Variants in ZNF831 observed in about 807,000 individuals in gnomAD.
ZNF831 encodes zinc finger protein 831, also known as chromosome 20 open reading frame 174.
A neutral mutation model predicts 95.8 loss-of-function variants in ZNF831; 59 were observed. The observed-to-expected ratio is 0.62, with a 90% CI of 0.50 to 0.77. The LOEUF (loss-of-function observed/expected upper bound fraction) is 0.77. Among genes scored for constraint, ZNF831 ranks in the 30% least tolerant of loss-of-function variants. The pLI, the probability that ZNF831 is intolerant of heterozygous loss-of-function variation, is 0.00. For missense variants in ZNF831, 2,205 were observed against 2,164.0 expected, an observed-to-expected ratio of 1.02 and a Z score of -0.38; for synonymous variants, 961 against 925.5, an observed-to-expected ratio of 1.04 and a Z score of -0.70.
rs569477204 is a variant in ZNF831, at chr20:59,230,871, T to A, written c.4028-22107T>A. The stretch of plus-strand genomic sequence containing the variant: ...GAAAATGCCAATGAGTTTAAATAGA[T>A]ACATAAAGTTTGTTTCTCTCACAAA... On this transcript the variant is annotated intron_variant, in intron 4 of 5. Coordinates refer to ENST00000371030, the MANE Select transcript of ZNF831 (RefSeq NM_178457.3). Among the ~76,000 whole-genome samples, 4 of 152,238 alleles carry A rather than the reference T, an allele frequency of 2.6e-5. No individual in the cohort carries two copies. In the South Asian group the frequency reaches 8.3e-4, roughly 32 times the overall value.
At position 59,193,556 on chromosome 20, in the gene ZNF831, G is replaced by T; in HGVS notation, c.2537G>T (p.Gly846Val). 6.2e-7 allele frequency: 1 copy of T among 1,605,002 alleles called. No individual in the cohort carries two copies. The highest frequency in any genetic ancestry group is 8.5e-7 in the Non-Finnish European group (1 of 1,175,880). ...CCTGTGAGCGCAGAGACCCCAGGTGGGCCCACGCAGCCTGCCTCTTTGTCA... is the reference window on the plus strand; with the variant it reads ...CCTGTGAGCGCAGAGACCCCAGGTGTGCCCACGCAGCCTGCCTCTTTGTCA... ...PEPVSAETPG[G>V]PTQPASLSSQ... Residue 846 changes from glycine (G) to valine (V), a missense_variant, in exon 2 of 6, where the codon GGG (glycine) becomes GTG (valine). Transcript: ENST00000371030.
upstream of ZNF831, among the ~76,000 whole-genome samples, chr20:59,161,595 A>C (rs146642803): frequency 6.6e-6 from 1 of 152,248 alleles, no homozygotes; most frequent in East Asian, 1.9e-4. Flanking sequence ...ACATGATTTT[A>C]TTATTTTTAT....
chr20:59,132,263 A>G (rs1979370507), intron 1 of ZNF831, among the ~76,000 whole-genome samples: 4 of 150,554 alleles, frequency 2.7e-5, no homozygotes, highest in Admixed American at 2.6e-4. Context: ...TAGTTGCTCA[A>G]GTTTCTTCTT....
chr20:59,156,488 T>C (rs1980550598), intron 2 of ZNF831, among the ~76,000 whole-genome samples: 1 of 152,046 alleles, frequency 6.6e-6, no homozygotes, highest in Admixed American at 6.5e-5. Context: ...ATTGCACCAC[T>C]GCACTCCAGC....
At chr20:59,152,246 A>C (rs546557847) in intron 2 of ZNF831, among the ~76,000 whole-genome samples, 1 of 152,296 alleles carries the variant, frequency 6.6e-6, no homozygotes, top group Non-Finnish European at 1.5e-5. Flanking sequence ...TAAATCCACT[A>C]CAATGTAAGA....
Position 59,210,870 on chromosome 20 carries a change from A to T in ZNF831, c.4027+3814A>T, listed in dbSNP as rs1216884107. On this transcript the variant is annotated intron_variant, in intron 4 of 5. Transcript: ENST00000371030. ...AAAACCAAATCCCCCCGTCTCTACT[A>T]AAAATACAAAAAATTAGCCGGGCGC... 1.5e-5 allele frequency among the ~76,000 whole-genome samples: 2 copies of T among 135,812 alleles called. 1 individual carries two copies. Among genetic ancestry groups the T allele is most frequent in the Non-Finnish European group, 3.1e-5 (2 of 64,524 alleles). 89.1% of individuals were successfully genotyped at this position (135,812 alleles called of 152,430 possible). A position where few individuals can be genotyped will look rare whatever the true frequency, so the allele number is the denominator to read the frequency against.
chr20:59,228,419 T>G (rs950248425), intron 4 of ZNF831, among the ~76,000 whole-genome samples: 2 of 150,816 alleles, frequency 1.3e-5, no homozygotes, highest in African/African-American at 4.9e-5. Context: ...ACTTCCATGC[T>G]GCCAACCAAC....
intron 4 of ZNF831, among the ~76,000 whole-genome samples, chr20:59,234,132 G>A (rs1030341933): frequency 1.3e-5 from 2 of 152,248 alleles, no homozygotes; most frequent in African/African-American, 2.4e-5. Flanking sequence ...GGTGGGGCTT[G>A]TCTTTAAGGA....
chr20:59,133,397 T>C lies in ZNF831; in HGVS notation c.-1425+9892T>C, dbSNP rs570641631. Reference sequence around the variant, plus strand: ...ACTTTGGGCAGTTGCTATGCTTGTTTTTCCAGTAGGAAAACACACCTCCCC... The same window carrying C: ...ACTTTGGGCAGTTGCTATGCTTGTTCTTCCAGTAGGAAAACACACCTCCCC... On this transcript the variant is annotated intron_variant, in intron 1 of 7. Transcript: ENST00000637017. Among the ~76,000 whole-genome samples, 5 of 152,362 alleles carry C rather than the reference T, an allele frequency of 3.3e-5. 1 individual carries two copies. In the East Asian group the frequency reaches 9.6e-4, roughly 29 times the overall value.
chr20:59,172,886 C>A (rs1981856433), intron 1 of ZNF831, among the ~76,000 whole-genome samples: 1 of 152,226 alleles, frequency 6.6e-6, no homozygotes, highest in African/African-American at 2.4e-5. Context: ...CCAGGGCGTT[C>A]AGCTCTTCTG....
chr20:59,190,972 T>G lies in ZNF831; in HGVS notation c.-36-12T>G. On this transcript the variant is annotated splice_polypyrimidine_tract_variant and intron_variant, in intron 1 of 5. Coordinates refer to ENST00000371030, the MANE Select transcript of ZNF831 (RefSeq NM_178457.3). ...AGAGGTGCCCATGGTAAAGTTTGGT[T>G]GTTGTCTGCAGGTTTTCCAGCATTG... 1 of 1,460,224 alleles carries G rather than the reference T, an allele frequency of 6.8e-7. No individual in the cohort carries two copies. The highest frequency in any genetic ancestry group is 9.0e-7 in the Non-Finnish European group (1 of 1,115,002). The allele number at this position is 1,460,224 out of a possible 1,614,324, so 90.5% of individuals were successfully genotyped here.
chr20:59,203,545 G>T (rs1386340779), intron 3 of ZNF831, among the ~76,000 whole-genome samples: 1 of 152,178 alleles, frequency 6.6e-6, no homozygotes, highest in Non-Finnish European at 1.5e-5. Flanking sequence ...GGCACAGATT[G>T]TCTGTGGCAT....
At chr20:59,157,777 A>T (rs1279523472) in intron 2 of ZNF831, among the ~76,000 whole-genome samples, 1 of 152,200 alleles carries the variant, frequency 6.6e-6, no homozygotes, top group African/African-American at 2.4e-5. Flanking sequence ...CTGATTAGCC[A>T]GCCCCCCAAG....
At chr20:59,149,545 G>C (rs781645037) in intron 2 of ZNF831, among the ~76,000 whole-genome samples, 18 of 152,256 alleles carry the variant, frequency 1.2e-4, no homozygotes, top group Non-Finnish European at 1.9e-4. Context: ...TATATCTATT[G>C]ATCTTACTAT....
intron 1 of ZNF831, among the ~76,000 whole-genome samples, chr20:59,190,759 C>T (rs1167249914): frequency 6.6e-6 from 1 of 152,220 alleles, no homozygotes; most frequent in Non-Finnish European, 1.5e-5. Context: ...GGTCCAAATC[C>T]CGCTTTGCCA....
At chr20:59,150,749 A>G (rs1258797039) in intron 2 of ZNF831, among the ~76,000 whole-genome samples, 3 of 152,202 alleles carry the variant, frequency 2.0e-5, no homozygotes, top group South Asian at 2.1e-4. Context: ...AGTCTGCCCA[A>G]CGGAGGTGTG....
At chr20:59,244,251 C>T (rs1342772988) in intron 4 of ZNF831, among the ~76,000 whole-genome samples, 1 of 152,154 alleles carries the variant, frequency 6.6e-6, no homozygotes, top group Non-Finnish European at 1.5e-5. Flanking sequence ...TACAGAAATA[C>T]TCTAGATTTG....
chr20:59,219,302 C>T (rs900280791), intron 4 of ZNF831, among the ~76,000 whole-genome samples: 3 of 152,116 alleles, frequency 2.0e-5, no homozygotes, highest in African/African-American at 7.2e-5. Flanking sequence ...AGTCACGTGG[C>T]CTGAGGGTCC....
At chr20:59,222,432 G>C (rs1326059470) in intron 4 of ZNF831, among the ~76,000 whole-genome samples, 1 of 152,084 alleles carries the variant, frequency 6.6e-6, no homozygotes, top group Admixed American at 6.5e-5. Context: ...CTCCGCCCCC[G>C]CCGGCGCCAA....
Sources: gnomAD v4.1 joint callset for allele counts (sites outside exome capture counted in the v4.1 genomes callset) on GRCh38, gnomAD v4.1.1 for gene constraint, MANE v1.5 for transcripts, NCBI Gene and HGNC (gene_info 2026-07-23, HGNC 2026-07-21) for gene names.